The following CNBD1 variants were observed in gnomAD, a reference collection of about 807,000 sequenced individuals.
CNBD1 encodes cyclic nucleotide-binding domain-containing protein 1.
In CNBD1, 71 loss-of-function variants were observed where a neutral mutation model predicts 54.4. That is an observed-to-expected ratio of 1.30 (90% CI 1.08 to 1.59). CNBD1 has a LOEUF of 1.59. Among genes scored for constraint, CNBD1 ranks in the 40% most tolerant of loss-of-function variants. The pLI, the probability that CNBD1 is intolerant of heterozygous loss-of-function variation, is 0.00. For missense variants in CNBD1, 659 were observed against 518.0 expected (o/e 1.27, Z -2.64); for synonymous variants, 182 against 170.7 (o/e 1.07, Z -0.51).
At chr8:87,380,407 T>C (rs184029158) in intron 10 of CNBD1, among the ~76,000 whole-genome samples, 2 of 152,130 alleles carry the variant, frequency 1.3e-5, no homozygotes, top group Admixed American at 1.3e-4. Flanking sequence ...CCATACTGTT[T>C]TGATTACTGT....
At chr8:87,330,588 G>T (rs1260474155) in intron 8 of CNBD1, among the ~76,000 whole-genome samples, 1 of 152,048 alleles carries the variant, frequency 6.6e-6, no homozygotes, top group Non-Finnish European at 1.5e-5. Flanking sequence ...AATATTTTCA[G>T]TTGTTCTGGA....
chr8:87,252,778 G>GT (rs1807937487), intron 6 of CNBD1, among the ~76,000 whole-genome samples: 1 of 152,104 alleles, frequency 6.6e-6, no homozygotes, highest in Non-Finnish European at 1.5e-5. Context: ...GGCAAGATGA[G>GT]TTAGTCTCAA....
chr8:87,137,513 T>C (rs1360711746), intron 4 of CNBD1, among the ~76,000 whole-genome samples: 1 of 152,020 alleles, frequency 6.6e-6, no homozygotes, highest in African/African-American at 2.4e-5. Context: ...GATTCCAATT[T>C]TAATCTTGAA....
chr8:87,277,403 T>A (rs1187748862), intron 6 of CNBD1, among the ~76,000 whole-genome samples: 2 of 151,730 alleles, frequency 1.3e-5, no homozygotes, highest in African/African-American at 2.4e-5. Flanking sequence ...CCAATTTAAA[T>A]CAGAACTCAT....
downstream of CNBD1, among the ~76,000 whole-genome samples, chr8:87,387,135 C>T (rs751733827): frequency 4.6e-5 from 7 of 152,160 alleles, no homozygotes; most frequent in Non-Finnish European, 7.3e-5. Flanking sequence ...CAACCGGTAC[C>T]AGCCACTGCG....
chr8:87,237,211 C>A (rs537395017), intron 6 of CNBD1, 99 bp downstream of exon 6: 56 of 595,122 alleles, frequency 9.4e-5, no homozygotes, highest in Non-Finnish European at 1.4e-4. Flanking sequence ...TCTTTAGAGT[C>A]CTGAAATATT....
intron 2 of CNBD1, among the ~76,000 whole-genome samples, chr8:87,397,931 T>C (rs1811438348): frequency 6.6e-6 from 1 of 151,980 alleles, no homozygotes; most frequent in Admixed American, 6.6e-5. Context: ...CCTGCTGCCA[T>C]TCACGTAAGA....
intron 5 of CNBD1, among the ~76,000 whole-genome samples, chr8:87,212,511 G>C (rs1363497629): frequency 6.6e-6 from 1 of 152,098 alleles, no homozygotes; most frequent in East Asian, 1.9e-4. Context: ...TAAATATATA[G>C]AGAGATCAAT....
At chr8:86,971,138 A>T (rs558604814) in intron 4 of CNBD1, among the ~76,000 whole-genome samples, 1 of 152,324 alleles carries the variant, frequency 6.6e-6, no homozygotes, top group South Asian at 2.1e-4. Context: ...TGGGCAACTT[A>T]TAAAGAAAAT....
At chr8:87,256,015 ATTTTTTTTT>A (rs1212667153) in intron 6 of CNBD1, among the ~76,000 whole-genome samples, 16 of 15,780 alleles carry the variant, frequency 1.0e-3, no homozygotes, top group Admixed American at 1.3e-3. Context: ...ATATATATAT[ATTTTTTTTT>A]TTTTTTTTTT....
chr8:86,886,752 C>G (rs1452424553), intron 1 of CNBD1, among the ~76,000 whole-genome samples: 1 of 152,250 alleles, frequency 6.6e-6, no homozygotes, highest in South Asian at 2.1e-4. Flanking sequence ...TTCTCAATAA[C>G]TTTTCACTAA....
At chr8:87,305,094 C>T (rs1206882803) in intron 8 of CNBD1, among the ~76,000 whole-genome samples, 1 of 152,026 alleles carries the variant, frequency 6.6e-6, no homozygotes, top group Non-Finnish European at 1.5e-5. Context: ...AAATCAGTAG[C>T]TCTTCTATAC....
chr8:86,974,016 T>G (rs1808283950), intron 4 of CNBD1, among the ~76,000 whole-genome samples: 1 of 152,038 alleles, frequency 6.6e-6, no homozygotes, highest in South Asian at 2.1e-4. Flanking sequence ...TAGGAGGATT[T>G]TTTTTACAAT....
intron 4 of CNBD1, among the ~76,000 whole-genome samples, chr8:87,125,751 G>A (rs1811978416): frequency 6.6e-6 from 1 of 151,642 alleles, no homozygotes; most frequent in East Asian, 1.9e-4. Context: ...TATGATAAAT[G>A]AACACTACAA....
rs115117613 is a variant in CNBD1 at position 87,046,976 on chromosome 8, A to T, written c.431+107222A>T. ...ATTCTGATGTAATACTGGTAAGAGG[A>T]GTTACGCAGGGGCTGCCGCTCAAAT... On this transcript the variant is annotated intron_variant, in intron 4 of 10. Transcript: ENST00000518476. Among the ~76,000 whole-genome samples, 1,504 of 152,254 alleles carry T rather than the reference A, an allele frequency of 9.9e-3. 22 individuals are homozygous for T. Among genetic ancestry groups the T allele is most frequent in the African/African-American group, 0.033 (1,382 of 41,520 alleles).
chr8:87,218,586 G>T (rs923812650), intron 5 of CNBD1, among the ~76,000 whole-genome samples: 2 of 151,814 alleles, frequency 1.3e-5, no homozygotes, highest in Non-Finnish European at 2.9e-5. Context: ...GTAAACTTTT[G>T]GGAGAAATAT....
intron 4 of CNBD1, among the ~76,000 whole-genome samples, chr8:86,981,628 C>T (rs547929686): frequency 1.3e-5 from 2 of 152,288 alleles, no homozygotes; most frequent in African/African-American, 4.8e-5. Flanking sequence ...GTTTGACCTT[C>T]ACTAGAATTT....
At chr8:87,167,456 TG>T (rs1247300571) in intron 4 of CNBD1, among the ~76,000 whole-genome samples, 3 of 147,866 alleles carry the variant, frequency 2.0e-5, no homozygotes, top group Non-Finnish European at 4.6e-5. Context: ...GAACATTTTT[TG>T]TTGTTGTTGT....
At chr8:87,035,719 G>T (rs1353794785) in intron 4 of CNBD1, among the ~76,000 whole-genome samples, 1 of 152,154 alleles carries the variant, frequency 6.6e-6, no homozygotes. Context: ...ATATAAAACA[G>T]AACTTTGCTT....
Sources: allele counts gnomAD v4.1 joint callset (sites outside exome capture counted in the v4.1 genomes callset), GRCh38; gene constraint gnomAD v4.1.1; transcripts MANE v1.5; gene names NCBI Gene and HGNC (gene_info 2026-07-23, HGNC 2026-07-21).